UBE3A: variants seen among roughly 807,000 people sequenced by gnomAD.
The protein encoded by UBE3A is ubiquitin protein ligase E3A.
In UBE3A, 6 loss-of-function variants were observed where a neutral mutation model predicts 83.4. The observed-to-expected ratio is 0.07, with a 90% CI of 0.04 to 0.14. The LOEUF (loss-of-function observed/expected upper bound fraction) is 0.14. UBE3A is among the 10% of genes least tolerant of loss of function. The probability of loss-of-function intolerance (pLI) is 1.00; values close to 1 mark genes in which losing one functional copy is unlikely to be tolerated. For synonymous variants in UBE3A, 337 were observed against 355.4 expected (o/e 0.95, Z 0.58); for missense variants, 456 against 1,036.1 (o/e 0.44, Z 7.69).
rs2074051692 is a variant in UBE3A, at chr15:25,337,618, C to T, written c.*1519G>A. 2 of 152,074 alleles carry T rather than the reference C, an allele frequency of 1.3e-5. No individual in the cohort carries two copies. Among genetic ancestry groups the T allele is most frequent in the African/African-American group, 4.8e-5 (2 of 41,422 alleles). The allele number at this position is 152,074 out of a possible 1,614,324, so 9.4% of individuals were successfully genotyped here. A position where few individuals can be genotyped will look rare whatever the true frequency, so the allele number is the denominator to read the frequency against. On this transcript the variant is annotated 3_prime_UTR_variant, in exon 13 of 13. Transcript: ENST00000648336. ...TCTCCCCCCAATGATTTGAAAGCTG[C>T]ATTTTTCCTGCCAATTTCAAACAAA...
intron 1 of UBE3A, among the ~76,000 whole-genome samples, chr15:25,432,449 A>C (rs962971140): frequency 1.2e-4 from 19 of 152,194 alleles, no homozygotes. Context: ...GAAGTACAGC[A>C]ATGGTAGCAT....
At chr15:25,420,449 T>C (rs1174617505) in intron 1 of UBE3A, among the ~76,000 whole-genome samples, 3 of 152,102 alleles carry the variant, frequency 2.0e-5, no homozygotes, top group Non-Finnish European at 2.9e-5. Context: ...AATTAGTAAG[T>C]GGACAGAAAA....
chr15:25,376,180 T>G (rs542229254), intron 4 of UBE3A, among the ~76,000 whole-genome samples: 5 of 152,370 alleles, frequency 3.3e-5, no homozygotes, highest in Admixed American at 3.3e-4. Flanking sequence ...AATCCGGTTT[T>G]CTTTTACATA....
chr15:25,376,130 T>G (rs139190663), intron 4 of UBE3A, among the ~76,000 whole-genome samples: 1,855 of 152,302 alleles, frequency 0.012, 33 homozygotes, highest in Admixed American at 0.045. Flanking sequence ...TCTATCATTT[T>G]AAAAATTAGC....
intron 4 of UBE3A, among the ~76,000 whole-genome samples, chr15:25,397,881 C>T (rs962491064): frequency 3.9e-5 from 6 of 152,056 alleles, no homozygotes; most frequent in Non-Finnish European, 5.9e-5. Context: ...ATTTGCCTTT[C>T]TAAATTTGAG....
At chr15:25,422,968 AC>A (rs776019957) in intron 1 of UBE3A, among the ~76,000 whole-genome samples, 385 of 152,226 alleles carry the variant, frequency 2.5e-3, no homozygotes, top group Non-Finnish European at 4.5e-3. Context: ...AGCCCGGGTG[AC>A]AGAGTGAGAT....
In UBE3A at chr15:25,334,883, A is replaced by C. The variant is rs137971333; in HGVS notation, c.*4254T>G. On this transcript the variant is annotated 3_prime_UTR_variant, in exon 13 of 13. Transcript: ENST00000648336. ...ATGCAAAAAATGGATGAAATAGGAA[A>C]CTTCACTACATTCTACTGCATGCTC... 6 of 152,334 alleles carry C rather than the reference A, an allele frequency of 3.9e-5. No homozygotes were observed. Among genetic ancestry groups the C allele is most frequent in the Admixed American group, 3.9e-4 (6 of 15,300 alleles). 9.4% of individuals were successfully genotyped at this position (152,334 alleles called of 1,614,324 possible).
chr15:25,354,767 T>C (rs2076989313), intron 9 of UBE3A, 84 bp from the exon 10 acceptor site: 1 of 1,284,046 alleles, frequency 7.8e-7, no homozygotes, highest in Non-Finnish European at 1.1e-6. Context: ...AGCTTTTTAA[T>C]TTTTCCAAGA....
At chr15:25,374,772 C>T (rs951313836) in intron 5 of UBE3A, 3 of 152,274 alleles carry the variant, frequency 2.0e-5, no homozygotes, top group Non-Finnish European at 2.9e-5. Context: ...AGTGGAGGGG[C>T]GCTAAGCCCT....
At chr15:25,339,992 T>C (rs2074465914) in intron 12 of UBE3A, 93 bp downstream of exon 12, 4 of 1,502,674 alleles carry the variant, frequency 2.7e-6, no homozygotes, top group Non-Finnish European at 3.7e-6. Flanking sequence ...AAATCACGAA[T>C]GTGCTCAGAA....
At chr15:25,372,594 C>T (rs570499196) in intron 5 of UBE3A, among the ~76,000 whole-genome samples, 1 of 152,266 alleles carries the variant, frequency 6.6e-6, no homozygotes, top group African/African-American at 2.4e-5. Flanking sequence ...ACCACATTTC[C>T]CAACTTTTTG....
At chr15:25,341,218 T>C (rs900960216) in intron 11 of UBE3A, among the ~76,000 whole-genome samples, 10 of 140,234 alleles carry the variant, frequency 7.1e-5, no homozygotes, top group East Asian at 4.4e-4. Context: ...TATAGGTGCC[T>C]GCCACCACGC....
In UBE3A at chr15:25,377,706, T is replaced by C. The variant is rs150258468; in HGVS notation, c.63-1943A>G. Among the ~76,000 whole-genome samples, 869 of 152,250 alleles carry C rather than the reference T, an allele frequency of 5.7e-3. 7 individuals carry two copies. Among genetic ancestry groups the C allele is most frequent in the African/African-American group, 0.02 (835 of 41,544 alleles). ...AAACACGAATACCGTGTGAATGAGA[T>C]CCTACTTGTGGAAAATAATTTGACA... On this transcript the variant is annotated intron_variant, in intron 4 of 12. Transcript: ENST00000648336.
At chr15:25,377,815 C>A (rs1216151062) in intron 4 of UBE3A, among the ~76,000 whole-genome samples, 2 of 152,078 alleles carry the variant, frequency 1.3e-5, no homozygotes, top group Non-Finnish European at 2.9e-5. Context: ...ATAGGTCACA[C>A]AATAAAATAA....
At chr15:25,355,854 AATGAAG>A in intron 9 of UBE3A, 32 bp downstream of exon 9, 1 of 1,579,952 alleles carries the variant, frequency 6.3e-7, no homozygotes, top group Non-Finnish European at 8.7e-7. Flanking sequence ...TGAAAGTGTT[AATGAAG>A]AGACAAAATG....
At chr15:25,392,281 T>C (rs2084575209) in intron 4 of UBE3A, among the ~76,000 whole-genome samples, 2 of 152,274 alleles carry the variant, frequency 1.3e-5, no homozygotes, top group South Asian at 4.1e-4. Context: ...TCCTAAGAAA[T>C]ATAGACCTTT....
At position 25,418,328 on chromosome 15, in the gene UBE3A, CTT is replaced by C. The variant is rs1330333619; in HGVS notation, c.-164-6359_-164-6358del. 3.3e-5 allele frequency: 5 copies of C among 152,054 alleles called. No homozygotes were observed. The East Asian group carries it at 7.7e-4, about 23-fold the overall frequency. 9.4% of individuals were successfully genotyped at this position (152,054 alleles called of 1,614,324 possible). On this transcript the variant is annotated intron_variant, in intron 1 of 12. Coordinates refer to ENST00000648336, the MANE Select transcript of UBE3A (RefSeq NM_130839.5). ...AGAAACATATATGTCCACACAGAGACTTCTTTTTTTACACAAATGTTCATTGT... is the reference window on the plus strand; with the variant it reads ...AGAAACATATATGTCCACACAGAGACCTTTTTTTACACAAATGTTCATTGT...
At chr15:25,341,420 AT>A (rs2074770615) in intron 11 of UBE3A, among the ~76,000 whole-genome samples, 1 of 151,894 alleles carries the variant, frequency 6.6e-6, no homozygotes, top group Non-Finnish European at 1.5e-5. Flanking sequence ...AATTAAAAGT[AT>A]TTTTAGTTGC....
chr15:25,348,049 AAAC>A (rs1354526053), intron 11 of UBE3A, among the ~76,000 whole-genome samples: 3 of 152,170 alleles, frequency 2.0e-5, no homozygotes, highest in African/African-American at 7.2e-5. Context: ...ATTTAAAAAA[AAAC>A]AAATGGTTAC....
Sources: gnomAD v4.1 joint callset for allele counts (sites outside exome capture counted in the v4.1 genomes callset) on GRCh38, gnomAD v4.1.1 for gene constraint, MANE v1.5 for transcripts, NCBI Gene and HGNC (gene_info 2026-07-23, HGNC 2026-07-21) for gene names.